Variants in SLC4A7 observed in about 807,000 individuals in gnomAD.
SLC4A7 encodes sodium bicarbonate cotransporter 3.
SLC4A7 carries 51 observed loss-of-function variants against 137.6 expected under a neutral mutation model. That is an observed-to-expected ratio of 0.37 (90% confidence interval 0.30 to 0.47). The LOEUF is 0.47. SLC4A7 is among the 20% of genes least tolerant of loss of function. The pLI is 1.00. For missense variants in SLC4A7, 1,247 were observed against 1,525.4 expected (o/e 0.82, Z 3.04); for synonymous variants, 542 against 518.6 (o/e 1.05, Z -0.61).
At chr3:27,461,212 ACAC>A (rs2058677767) in intron 1 of SLC4A7, among the ~76,000 whole-genome samples, 1 of 23,674 alleles carries the variant, frequency 4.2e-5, no homozygotes, top group Non-Finnish European at 2.2e-4. Flanking sequence ...CAATTAGCAC[ACAC>A]ACACACACAC....
chr3:27,393,517 C>A (rs1377538427), intron 20 of SLC4A7, among the ~76,000 whole-genome samples: 1 of 152,146 alleles, frequency 6.6e-6, no homozygotes, highest in African/African-American at 2.4e-5. Flanking sequence ...GGGGAACCTG[C>A]ATATACAATT....
chr3:27,429,387 TA>T (rs1464282158), intron 7 of SLC4A7, among the ~76,000 whole-genome samples: 1 of 152,106 alleles, frequency 6.6e-6, no homozygotes, highest in African/African-American at 2.4e-5. Flanking sequence ...AATTTCAAGG[TA>T]AATTTGGATT....
chr3:27,409,143 T>G (rs2053668054), intron 13 of SLC4A7, among the ~76,000 whole-genome samples: 1 of 152,184 alleles, frequency 6.6e-6, no homozygotes, highest in South Asian at 2.1e-4. Context: ...AAACTTTTTT[T>G]TAATTTTTTT....
chr3:27,462,925 A>T (rs2150638052), intron 1 of SLC4A7: 1 of 152,424 alleles, frequency 6.6e-6, no homozygotes, highest in South Asian at 2.1e-4. Flanking sequence ...TTACCATGGA[A>T]TATTATAATG....
In SLC4A7 at chr3:27,446,460, T is replaced by A. The variant is rs919568496; in HGVS notation, c.289+2191A>T. Among the ~76,000 whole-genome samples, 6 of 152,336 alleles carry A rather than the reference T, an allele frequency of 3.9e-5. No homozygotes were observed. The South Asian group carries it at 1.2e-3, about 32-fold the overall frequency. On this transcript the variant is annotated intron_variant, in intron 3 of 25. Coordinates refer to ENST00000454389, the MANE Select transcript of SLC4A7 (RefSeq NM_001321103.2). ...GAAAAGTCAAATATTTTCTTCATTA[T>A]AATCTATTTTTGAAGCCCCTATACT... is the stretch of plus-strand genomic sequence containing the variant.
chr3:27,396,042 G>A (rs2052124092), intron 18 of SLC4A7, among the ~76,000 whole-genome samples: 1 of 152,122 alleles, frequency 6.6e-6, no homozygotes, highest in Non-Finnish European at 1.5e-5. Flanking sequence ...AAGATCAAGA[G>A]AGTTTAGTAT....
intron 25 of SLC4A7, among the ~76,000 whole-genome samples, chr3:27,378,714 C>T (rs1258974520): frequency 6.6e-6 from 1 of 152,056 alleles, no homozygotes; most frequent in Non-Finnish European, 1.5e-5. Flanking sequence ...CATACTAAAC[C>T]AAAACACAAG....
At chr3:27,430,692 G>A (rs1379983362) in intron 7 of SLC4A7, among the ~76,000 whole-genome samples, 2 of 150,822 alleles carry the variant, frequency 1.3e-5, no homozygotes, top group Non-Finnish European at 2.9e-5. Flanking sequence ...TTAGCCAGAC[G>A]TGGTGGCTCA....
At chr3:27,413,063 C>A (rs1411382804) in intron 11 of SLC4A7, among the ~76,000 whole-genome samples, 1 of 152,014 alleles carries the variant, frequency 6.6e-6, no homozygotes, top group South Asian at 2.1e-4. Context: ...ATACAATAGA[C>A]CTTCAGCTAA....
chr3:27,451,164 TAA>T (rs944087682), intron 2 of SLC4A7, among the ~76,000 whole-genome samples: 3 of 151,740 alleles, frequency 2.0e-5, no homozygotes, highest in Non-Finnish European at 4.4e-5. Flanking sequence ...GTTTAGAGTT[TAA>T]AAAAAAGTCT....
At chr3:27,381,935 A>C (rs925153102) in intron 24 of SLC4A7, among the ~76,000 whole-genome samples, 9 of 152,118 alleles carry the variant, frequency 5.9e-5, no homozygotes, top group African/African-American at 1.7e-4. Flanking sequence ...CTGAAAGTAC[A>C]GAAAGTAGCT....
At chr3:27,482,155 G>A (rs2059739030) in intron 1 of SLC4A7, among the ~76,000 whole-genome samples, 1 of 152,060 alleles carries the variant, frequency 6.6e-6, no homozygotes, top group Non-Finnish European at 1.5e-5. Flanking sequence ...ATAAATATTA[G>A]GATGGAGTTG....
intron 3 of SLC4A7, among the ~76,000 whole-genome samples, chr3:27,442,208 G>T (rs963051300): frequency 6.6e-6 from 1 of 152,068 alleles, no homozygotes; most frequent in Non-Finnish European, 1.5e-5. Context: ...TTGAAGAATG[G>T]ACTAAAATGT....
chr3:27,461,229 C>T (rs1424451060), intron 1 of SLC4A7, among the ~76,000 whole-genome samples: 1 of 151,478 alleles, frequency 6.6e-6, no homozygotes, highest in East Asian at 1.9e-4. Flanking sequence ...CACACACACA[C>T]ACACACAAAA....
intron 10 of SLC4A7, among the ~76,000 whole-genome samples, chr3:27,420,456 G>C (rs1443298513): frequency 6.6e-6 from 1 of 151,872 alleles, no homozygotes; most frequent in African/African-American, 2.4e-5. Context: ...GTTCAAGAAG[G>C]TAGTCAATAA....
intron 1 of SLC4A7, among the ~76,000 whole-genome samples, chr3:27,453,626 A>G (rs1334261390): frequency 6.6e-6 from 1 of 152,230 alleles, no homozygotes. Flanking sequence ...AATGTATACA[A>G]AGTAAACTGA....
rs960843506 is a variant in SLC4A7, at chr3:27,396,729, T to C, written c.2703+955A>G. 6.6e-5 allele frequency among the ~76,000 whole-genome samples: 10 copies of C among 152,174 alleles called. No homozygotes were observed. The East Asian group carries it at 1.5e-3, about 23-fold the overall frequency. On this transcript the variant is annotated intron_variant, in intron 18 of 25. Coordinates refer to ENST00000454389, the MANE Select transcript of SLC4A7 (RefSeq NM_001321103.2). ...CCAGCTGCTTCTGAAAGAAGTCATA[T>C]AACTTGTTAAATTAAATATAACCAG...
intron 1 of SLC4A7, among the ~76,000 whole-genome samples, chr3:27,481,792 T>C (rs1187470788): frequency 2.0e-5 from 3 of 152,154 alleles, no homozygotes; most frequent in African/African-American, 4.8e-5. Flanking sequence ...AACAGCAGTG[T>C]TTAATAATTC....
Position 27,385,985 on chromosome 3 carries a change from C to T in SLC4A7, c.3399G>A (p.Leu1133=). The change falls in exon 23 of 26, where the codon CTG becomes CTA. Residue 1133 remains leucine, a synonymous_variant. Transcript: ENST00000454389. Reference sequence around the variant, plus strand: ...AACTAAGTTCTCTCTTCGTGAAACACAGGTCCATGAGTTTGCGCACAAACA... The same window carrying T: ...AACTAAGTTCTCTCTTCGTGAAACATAGGTCCATGAGTTTGCGCACAAACA... ...ALVFVRKLMD[L]CFTKRELSWL... is the part of the protein sequence containing the mutation. 1 of 1,610,214 alleles carries T rather than the reference C, an allele frequency of 6.2e-7. No individual in the cohort carries two copies.
Sources: allele counts gnomAD v4.1 joint callset (sites outside exome capture counted in the v4.1 genomes callset), GRCh38; gene constraint gnomAD v4.1.1; transcripts MANE v1.5; gene names NCBI Gene and HGNC (gene_info 2026-07-23, HGNC 2026-07-21).